NELL2: variants seen among roughly 807,000 people sequenced by gnomAD.
NELL2 encodes neural EGFL like 2, also known as protein kinase C-binding protein NELL2.
Under a neutral mutation model 109.6 loss-of-function variants are expected in NELL2, and 41 were observed. That is an observed-to-expected ratio of 0.37 (90% CI 0.29 to 0.49). NELL2 has a LOEUF of 0.49. Among genes scored for constraint, NELL2 ranks in the 20% least tolerant of loss-of-function variants. NELL2 has a pLI of 0.98. For synonymous variants in NELL2, 355 were observed against 344.7 expected, an observed-to-expected ratio of 1.03 and a Z score of -0.33; for missense variants, 900 against 1,008.3, an observed-to-expected ratio of 0.89 and a Z score of 1.45.
At chr12:44,584,096 T>C (rs1944417401) in intron 15 of NELL2, among the ~76,000 whole-genome samples, 1 of 151,954 alleles carries the variant, frequency 6.6e-6, no homozygotes, top group South Asian at 2.1e-4. Flanking sequence ...TCTTTAAGAA[T>C]GCCTTTGTCA....
chr12:44,830,103 C>T lies in NELL2; in HGVS notation c.185-13967G>A, dbSNP rs112183637. 6.8e-3 allele frequency among the ~76,000 whole-genome samples: 1,034 copies of T among 152,080 alleles called. 9 individuals carry two copies. Among genetic ancestry groups the T allele is most frequent in the African/African-American group, 0.023 (962 of 41,496 alleles). On this transcript the variant is annotated intron_variant, in intron 2 of 19. Transcript: ENST00000429094. ...GAAGGTAAGATTTCTATTATATATC[C>T]TTAACATTTTATTCATACATATTAA...
At chr12:44,744,024 C>T (rs555105023) in intron 9 of NELL2, among the ~76,000 whole-genome samples, 20 of 152,156 alleles carry the variant, frequency 1.3e-4, no homozygotes, top group African/African-American at 3.9e-4. Flanking sequence ...ACCACACCTA[C>T]TCCAAAATTG....
chr12:44,518,908 A>G (rs769505124), intron 19 of NELL2, among the ~76,000 whole-genome samples: 4 of 152,240 alleles, frequency 2.6e-5, no homozygotes, highest in Non-Finnish European at 4.4e-5. Flanking sequence ...ATTTCATAAA[A>G]CAGCAGTAAA....
chr12:44,799,713 TA>T (rs1404876715), intron 3 of NELL2, among the ~76,000 whole-genome samples: 3 of 152,170 alleles, frequency 2.0e-5, no homozygotes, highest in East Asian at 1.9e-4. Context: ...TTCAGGTGTG[TA>T]GGGGGGGTGA....
At chr12:44,811,350 A>AT (rs1943172816) in intron 3 of NELL2, among the ~76,000 whole-genome samples, 1 of 151,264 alleles carries the variant, frequency 6.6e-6, no homozygotes, top group Non-Finnish European at 1.5e-5. Flanking sequence ...AAAAAAAAAA[A>AT]AAAAAAAAAT....
At chr12:44,701,988 T>C (rs1199241125) in intron 12 of NELL2, among the ~76,000 whole-genome samples, 1 of 152,132 alleles carries the variant, frequency 6.6e-6, no homozygotes, top group Non-Finnish European at 1.5e-5. Flanking sequence ...CTTCATTTTG[T>C]TCCTAGAGCA....
intron 3 of NELL2, among the ~76,000 whole-genome samples, chr12:44,799,795 C>T (rs1592559799): frequency 6.6e-6 from 1 of 152,070 alleles, no homozygotes; most frequent in East Asian, 1.9e-4. Context: ...TGTCACCCTA[C>T]TTTAATTGAA....
chr12:44,731,106 C>A, intron 9 of NELL2, among the ~76,000 whole-genome samples: 1 of 152,068 alleles, frequency 6.6e-6, no homozygotes, highest in East Asian at 1.9e-4. Context: ...CTTCATCAAT[C>A]AAAAATCTCT....
upstream of NELL2, among the ~76,000 whole-genome samples, chr12:44,918,178 T>C (rs1945842600): frequency 6.6e-6 from 1 of 152,100 alleles, no homozygotes; most frequent in South Asian, 2.1e-4. Context: ...AAATCTGGGG[T>C]GGTGGTAGTG....
At chr12:44,751,057 A>G (rs1940628387) in intron 9 of NELL2, among the ~76,000 whole-genome samples, 1 of 152,182 alleles carries the variant, frequency 6.6e-6, no homozygotes, top group African/African-American at 2.4e-5. Flanking sequence ...AGATTAAATT[A>G]CCACAGAATT....
In NELL2 at chr12:44,890,615, T is replaced by C. The variant is rs150679538; in HGVS notation, c.39-14715A>G. 3.9e-5 allele frequency among the ~76,000 whole-genome samples: 6 copies of C among 152,320 alleles called. 1 individual carries two copies. Among genetic ancestry groups the C allele is most frequent in the African/African-American group, 1.4e-4 (6 of 41,584 alleles). On this transcript the variant is annotated intron_variant, in intron 1 of 20. Transcript: ENST00000333837. ...TTCCAGGCTTAGTCAATCACGTCTA[T>C]GTTTTTTTCAGGTCACCTCCAGTTT... is the stretch of plus-strand genomic sequence containing the variant.
At chr12:44,735,611 A>C (rs1939598860) in intron 9 of NELL2, among the ~76,000 whole-genome samples, 1 of 152,146 alleles carries the variant, frequency 6.6e-6, no homozygotes, top group Admixed American at 6.5e-5. Context: ...TTGCCCCAGA[A>C]ATTTATCAAA....
At chr12:44,706,371 T>C (rs2136426163) in intron 11 of NELL2, among the ~76,000 whole-genome samples, 1 of 152,168 alleles carries the variant, frequency 6.6e-6, no homozygotes, top group East Asian at 1.9e-4. Context: ...TGATTTCGAG[T>C]GGGTTGCTTC....
intron 15 of NELL2, among the ~76,000 whole-genome samples, chr12:44,577,589 T>G (rs555081519): frequency 6.7e-6 from 1 of 148,904 alleles, no homozygotes; most frequent in Non-Finnish European, 1.5e-5. Context: ...ACCATTCTCC[T>G]GCCTCAGCCT....
chr12:44,527,285 G>A (rs575623217), intron 16 of NELL2, among the ~76,000 whole-genome samples: 1 of 152,250 alleles, frequency 6.6e-6, no homozygotes, highest in East Asian at 1.9e-4. Context: ...AAGCAATAAT[G>A]GGACATGTGG....
chr12:44,737,791 C>T (rs185643639), intron 9 of NELL2, among the ~76,000 whole-genome samples: 1 of 152,070 alleles, frequency 6.6e-6, no homozygotes, highest in East Asian at 1.9e-4. Flanking sequence ...GCATACCTTC[C>T]CCTGGTATCC....
intron 3 of NELL2, among the ~76,000 whole-genome samples, chr12:44,786,674 C>T (rs2136616789): frequency 6.6e-6 from 1 of 152,272 alleles, no homozygotes; most frequent in African/African-American, 2.4e-5. Context: ...GGCATATATA[C>T]ACCACGGATT....
At chr12:44,640,387 A>G (rs1946809093) in intron 13 of NELL2, among the ~76,000 whole-genome samples, 1 of 152,184 alleles carries the variant, frequency 6.6e-6, no homozygotes, top group Non-Finnish European at 1.5e-5. Context: ...GAAATTAAAT[A>G]ATAGGAACTG....
intron 2 of NELL2, among the ~76,000 whole-genome samples, chr12:44,863,084 TCG>T (rs1944889065): frequency 6.6e-6 from 1 of 152,010 alleles, no homozygotes; most frequent in Non-Finnish European, 1.5e-5. Flanking sequence ...CTAATGCTAT[TCG>T]TTCCCCTAGC....
Sources: gnomAD v4.1 joint callset for allele counts (sites outside exome capture counted in the v4.1 genomes callset) on GRCh38, gnomAD v4.1.1 for gene constraint, MANE v1.5 for transcripts, NCBI Gene and HGNC (gene_info 2026-07-23, HGNC 2026-07-21) for gene names.